Variants in DACH1 observed in about 807,000 individuals in gnomAD.
DACH1 encodes the protein dachshund family transcription factor 1, also known as dachshund homolog 1.
A neutral mutation model predicts 54.2 loss-of-function variants in DACH1; 12 were observed. That is an observed-to-expected ratio of 0.22 (90% CI 0.14 to 0.36). The LOEUF (loss-of-function observed/expected upper bound fraction) is 0.36, where lower values mean the gene tolerates loss of function less well. Among genes scored for constraint, DACH1 ranks in the 10% least tolerant of loss-of-function variants. The pLI is 1.00. For synonymous variants in DACH1, 386 were observed against 366.2 expected (o/e 1.05, Z -0.62); for missense variants, 805 against 929.8 (o/e 0.87, Z 1.75).
chr13:71,654,458 GTAAAATAAAA>G (rs58963611), intron 2 of DACH1, among the ~76,000 whole-genome samples: 7,339 of 71,062 alleles, frequency 0.1, 796 homozygotes, highest in African/African-American at 0.23. Context: ...ATAAAATAAA[GTAAAATAAAA>G]TAAAATAAAA....
intron 2 of DACH1, among the ~76,000 whole-genome samples, chr13:71,644,442 A>G (rs2138605851): frequency 6.6e-6 from 1 of 152,304 alleles, no homozygotes; most frequent in East Asian, 1.9e-4. Flanking sequence ...TGTGTTGAGG[A>G]TGAAAGTTGT....
At chr13:71,500,746 C>T (rs573257008) in intron 6 of DACH1, among the ~76,000 whole-genome samples, 10 of 152,178 alleles carry the variant, frequency 6.6e-5, no homozygotes, top group African/African-American at 2.2e-4. Flanking sequence ...ATGAATATGG[C>T]CACCCACAAA....
In DACH1 at chr13:71,751,228, G is replaced by A. The variant is rs200404107; in HGVS notation, c.849-69318C>T. Among the ~76,000 whole-genome samples the A allele has an allele frequency of 7.9e-5, 12 of 152,306 alleles. No individual in the cohort carries two copies. The East Asian group carries it at 1.3e-3, about 17-fold the overall frequency. ...ATTGTTTCTGCTGCGTCAGTCATCT[G>A]TTGAAGTTCACTCTAATGTGGCCCT... On this transcript the variant is annotated intron_variant, in intron 1 of 10. Transcript: ENST00000613252.
chr13:71,797,214 G>A (rs1478396309), intron 1 of DACH1, among the ~76,000 whole-genome samples: 2 of 151,828 alleles, frequency 1.3e-5, no homozygotes, highest in African/African-American at 2.4e-5. Context: ...TAATATACAC[G>A]CACTTTAGCT....
chr13:71,755,930 G>A (rs902360967), intron 1 of DACH1, among the ~76,000 whole-genome samples: 10 of 151,840 alleles, frequency 6.6e-5, no homozygotes, highest in African/African-American at 7.3e-5. Flanking sequence ...TGGCTGAGAC[G>A]GTATGGAAAA....
intron 1 of DACH1, among the ~76,000 whole-genome samples, chr13:71,690,450 A>T (rs916403346): frequency 6.6e-6 from 1 of 151,910 alleles, no homozygotes; most frequent in Non-Finnish European, 1.5e-5. Flanking sequence ...TACCCACAAC[A>T]CCTCTCTTTT....
chr13:71,733,732 G>A (rs1166920037), intron 1 of DACH1, among the ~76,000 whole-genome samples: 5 of 152,064 alleles, frequency 3.3e-5, no homozygotes, highest in African/African-American at 1.2e-4. Flanking sequence ...ATTAATGACA[G>A]TAGCATTTTA....
chr13:71,453,668 T>C (rs1232450056), intron 10 of DACH1, among the ~76,000 whole-genome samples: 1 of 152,204 alleles, frequency 6.6e-6, no homozygotes, highest in Non-Finnish European at 1.5e-5. Context: ...TTACTTTTAA[T>C]AAACATTATA....
chr13:71,686,571 C>T (rs1594096992), intron 1 of DACH1, among the ~76,000 whole-genome samples: 3 of 152,210 alleles, frequency 2.0e-5, no homozygotes, highest in Non-Finnish European at 4.4e-5. Context: ...TAATAAGAAG[C>T]TTAGTGCAAA....
At chr13:71,544,089 T>C (rs1408638085) in intron 6 of DACH1, among the ~76,000 whole-genome samples, 4 of 152,122 alleles carry the variant, frequency 2.6e-5, no homozygotes, top group Non-Finnish European at 5.9e-5. Context: ...ATTTACCACA[T>C]ATCTTTCTCT....
At chr13:71,779,630 T>C (rs962388888) in intron 1 of DACH1, among the ~76,000 whole-genome samples, 3 of 152,084 alleles carry the variant, frequency 2.0e-5, no homozygotes, top group Admixed American at 6.6e-5. Context: ...GCTCAAGTGG[T>C]AAAACAATAA....
chr13:71,854,021 A>C (rs1873839366), intron 1 of DACH1, among the ~76,000 whole-genome samples: 1 of 152,154 alleles, frequency 6.6e-6, no homozygotes, highest in Non-Finnish European at 1.5e-5. Flanking sequence ...ACTTTTGTGA[A>C]AAACAAACAG....
chr13:71,724,548 TTGATA>T (rs1176934088), intron 1 of DACH1, among the ~76,000 whole-genome samples: 1 of 152,174 alleles, frequency 6.6e-6, no homozygotes, highest in Non-Finnish European at 1.5e-5. Context: ...GGAAACACTC[TTGATA>T]TGATACAACT....
At chr13:71,705,517 C>A (rs553133331) in intron 1 of DACH1, among the ~76,000 whole-genome samples, 1 of 152,208 alleles carries the variant, frequency 6.6e-6, no homozygotes, top group African/African-American at 2.4e-5. Context: ...ATTAAAAAAT[C>A]ATTAAACATC....
chr13:71,605,834 C>T (rs191848535), intron 3 of DACH1, among the ~76,000 whole-genome samples: 2 of 151,934 alleles, frequency 1.3e-5, no homozygotes, highest in Admixed American at 1.3e-4. Flanking sequence ...ATTCTCACCC[C>T]GTGTAATTGA....
intron 10 of DACH1, among the ~76,000 whole-genome samples, chr13:71,452,860 G>A (rs569173834): frequency 6.6e-6 from 1 of 152,172 alleles, no homozygotes; most frequent in Non-Finnish European, 1.5e-5. Flanking sequence ...GTTAGTGTAA[G>A]AAATTACTGT....
At chr13:71,488,337 T>C (rs74878091) in intron 7 of DACH1, among the ~76,000 whole-genome samples, 4,327 of 152,198 alleles carry the variant, frequency 0.028, 207 homozygotes, top group African/African-American at 0.097. Context: ...TTATGCTTTC[T>C]TCTATCCCAA....
rs759636585 is a variant in DACH1 at position 71,459,735 on chromosome 13, A to G, written c.2083+15406T>C. 1.7e-4 allele frequency among the ~76,000 whole-genome samples: 26 copies of G among 152,118 alleles called. 1 individual carries two copies. The highest frequency in any genetic ancestry group is 6.8e-3 in the Middle Eastern group (2 of 294). On this transcript the variant is annotated intron_variant, in intron 10 of 10. Coordinates refer to ENST00000613252, the MANE Select transcript of DACH1 (RefSeq NM_080759.6). ...TTCAGAAATCATAAATCCTGCCAAT[A>G]CTGAAAAACAAGATTTATTATTTTC...
chr13:71,589,546 G>A (rs906825791), intron 3 of DACH1, among the ~76,000 whole-genome samples: 3 of 151,748 alleles, frequency 2.0e-5, no homozygotes, highest in Non-Finnish European at 2.9e-5. Context: ...TTTGTAGACC[G>A]TAAGTCAGTA....
Sources: allele counts gnomAD v4.1 joint callset (sites outside exome capture counted in the v4.1 genomes callset), GRCh38; gene constraint gnomAD v4.1.1; transcripts MANE v1.5; gene names NCBI Gene and HGNC (gene_info 2026-07-23, HGNC 2026-07-21).